ASIC2: variants seen among roughly 807,000 people sequenced by gnomAD.
ASIC2 encodes the protein acid-sensing ion channel 2.
ASIC2 carries 25 observed loss-of-function variants against 57.3 expected under a neutral mutation model. That is an observed-to-expected ratio of 0.44 (90% CI 0.32 to 0.61). The LOEUF is 0.61. Ranked by LOEUF, ASIC2 falls within the 20% of genes least tolerant of loss-of-function variation. The pLI is 0.06. For synonymous variants in ASIC2, 319 were observed against 307.5 expected (o/e 1.04, Z -0.39); for missense variants, 641 against 738.1 (o/e 0.87, Z 1.52).
chr17:33,913,240 A>G (rs931564176), intron 1 of ASIC2, among the ~76,000 whole-genome samples: 1 of 152,156 alleles, frequency 6.6e-6, no homozygotes, highest in Non-Finnish European at 1.5e-5. Flanking sequence ...CTTGATGTGT[A>G]ATACATTTTC....
chr17:33,092,907 T>A (rs1285773808), intron 2 of ASIC2, among the ~76,000 whole-genome samples: 2 of 152,152 alleles, frequency 1.3e-5, no homozygotes, highest in African/African-American at 4.8e-5. Flanking sequence ...AGTGAGGAAG[T>A]ATCCCTTGCT....
intron 1 of ASIC2, among the ~76,000 whole-genome samples, chr17:33,342,310 GTGTGTGTGTGTACA>G (rs58358992): frequency 0.22 from 33,522 of 149,102 alleles, 3,903 homozygotes; most frequent in East Asian, 0.4. Context: ...AGAGTCGAGT[GTGTGTGTGTGTACA>G]TGTGTGTGTG....
intron 1 of ASIC2, among the ~76,000 whole-genome samples, chr17:33,641,243 G>T (rs760378058): frequency 6.6e-6 from 1 of 152,128 alleles, no homozygotes; most frequent in Admixed American, 6.5e-5. Flanking sequence ...TGCCCAGCAC[G>T]TGGCTATAGA....
At position 33,502,255 on chromosome 17, in the gene ASIC2, G is replaced by C. The variant is rs186271045; in HGVS notation, c.556-390188C>G. Among the ~76,000 whole-genome samples the C allele has an allele frequency of 2.6e-5, 4 of 152,268 alleles. 1 individual carries two copies. The highest frequency in any genetic ancestry group is 2.0e-4 in the Admixed American group (3 of 15,290). The stretch of plus-strand genomic sequence containing the variant: ...GACTGAACTCCCACAAAACAGGGTG[G>C]TGGCAACATTAAGGGGGCATGCCCT... On this transcript the variant is annotated intron_variant, in intron 1 of 9. Transcript: ENST00000359872.
At chr17:33,868,071 A>AT (rs887678761) in intron 1 of ASIC2, among the ~76,000 whole-genome samples, 72 of 151,666 alleles carry the variant, frequency 4.7e-4, no homozygotes, top group African/African-American at 8.5e-4. Context: ...AGCTAGGAAC[A>AT]TTTTTTTTTC....
intron 1 of ASIC2, chr17:33,692,312 C>A (rs1420762560): frequency 2.0e-5 from 3 of 152,140 alleles, no homozygotes; most frequent in Non-Finnish European, 2.9e-5. Flanking sequence ...GATTACAAGT[C>A]TGGATAGGGC....
intron 3 of ASIC2, among the ~76,000 whole-genome samples, chr17:33,077,096 T>C (rs2092091829): frequency 6.6e-6 from 1 of 152,014 alleles, no homozygotes; most frequent in Admixed American, 6.6e-5. Flanking sequence ...AAGAGATGGG[T>C]GGCTTCTTTG....
At chr17:33,650,945 G>GCAA (rs1555549868) in intron 1 of ASIC2, among the ~76,000 whole-genome samples, 1 of 152,122 alleles carries the variant, frequency 6.6e-6, no homozygotes, top group Non-Finnish European at 1.5e-5. Flanking sequence ...ATGTGATATT[G>GCAA]TACTATAGTT....
At chr17:33,136,011 G>A (rs1366681899) in intron 1 of ASIC2, among the ~76,000 whole-genome samples, 1 of 152,138 alleles carries the variant, frequency 6.6e-6, no homozygotes, top group African/African-American at 2.4e-5. Context: ...GGCTGCTGGG[G>A]GCTCTCTGGA....
At chr17:33,974,338 G>T (rs1219940888) in intron 1 of ASIC2, among the ~76,000 whole-genome samples, 1 of 152,078 alleles carries the variant, frequency 6.6e-6, no homozygotes, top group Non-Finnish European at 1.5e-5. Flanking sequence ...CTTCTCTTTG[G>T]TGTCTTACTC....
chr17:33,850,299 TA>T (rs1323058635), intron 1 of ASIC2, among the ~76,000 whole-genome samples: 3 of 152,128 alleles, frequency 2.0e-5, no homozygotes, highest in Non-Finnish European at 4.4e-5. Context: ...CAGTCAAAAA[TA>T]AAATAAAGTA....
At chr17:33,297,378 GACCGTCCCCTTGCTTCAGGA>G (rs1429601849), upstream of ASIC2, among the ~76,000 whole-genome samples, 3 of 152,098 alleles carry the variant, frequency 2.0e-5, no homozygotes, top group Middle Eastern at 3.2e-3. Context: ...GGGGGCTCTT[GACCGTCCCCTTGCTTCAGGA>G]ATTTCATGGA....
intron 1 of ASIC2, among the ~76,000 whole-genome samples, chr17:33,579,635 T>C (rs947441365): frequency 2.0e-5 from 3 of 151,836 alleles, no homozygotes; most frequent in African/African-American, 4.9e-5. Context: ...CAGCTGCGTC[T>C]GAAGTTTCTT....
chr17:33,159,621 G>A (rs1337472906), intron 1 of ASIC2, among the ~76,000 whole-genome samples: 1 of 152,198 alleles, frequency 6.6e-6, no homozygotes, highest in African/African-American at 2.4e-5. Context: ...TCTCAATGGA[G>A]GACTTTGGGT....
intron 1 of ASIC2, among the ~76,000 whole-genome samples, chr17:33,797,329 G>A (rs976775860): frequency 7.9e-5 from 12 of 152,188 alleles, no homozygotes; most frequent in African/African-American, 2.9e-4. Context: ...AGATGTCAGG[G>A]AAACGTCTGG....
intron 1 of ASIC2, among the ~76,000 whole-genome samples, chr17:33,182,105 T>G (rs1383351002): frequency 6.6e-6 from 1 of 152,132 alleles, no homozygotes; most frequent in Non-Finnish European, 1.5e-5. Context: ...GTTGAAGGCA[T>G]AAACAGGGAG....
chr17:33,901,105 A>G (rs898354738), intron 1 of ASIC2, among the ~76,000 whole-genome samples: 3 of 151,952 alleles, frequency 2.0e-5, no homozygotes, highest in African/African-American at 7.3e-5. Context: ...TGTGCTTCTG[A>G]CCTGTCTGCC....
intron 1 of ASIC2, among the ~76,000 whole-genome samples, chr17:33,417,605 T>C (rs1298375779): frequency 6.6e-6 from 1 of 152,184 alleles, no homozygotes; most frequent in African/African-American, 2.4e-5. Flanking sequence ...AACAATGGTG[T>C]CCAGTGAGAT....
chr17:33,766,034 G>A (rs1394413997), intron 1 of ASIC2, among the ~76,000 whole-genome samples: 2 of 152,182 alleles, frequency 1.3e-5, no homozygotes, highest in Non-Finnish European at 2.9e-5. Flanking sequence ...GCCATTGCAG[G>A]TGGCTTAGCA....
Sources: gnomAD v4.1 joint callset for allele counts (sites outside exome capture counted in the v4.1 genomes callset) on GRCh38, gnomAD v4.1.1 for gene constraint, MANE v1.5 for transcripts, NCBI Gene and HGNC (gene_info 2026-07-23, HGNC 2026-07-21) for gene names.